The following STK32A variants were observed in gnomAD, a reference collection of about 807,000 sequenced individuals.
STK32A encodes serine/threonine kinase 32A, also known as serine/threonine-protein kinase 32A.
STK32A carries 41 observed loss-of-function variants against 53.2 expected under a neutral mutation model. That is an observed-to-expected ratio of 0.77 (90% CI 0.60 to 1.00). The LOEUF (loss-of-function observed/expected upper bound fraction) is 1.00, where lower values mean the gene tolerates loss of function less well. Ranked by LOEUF, STK32A falls within the 50% of genes least tolerant of loss-of-function variation. The pLI is 0.00. For synonymous variants in STK32A, 166 were observed against 162.8 expected (o/e 1.02, Z -0.15); for missense variants, 458 against 485.8 (o/e 0.94, Z 0.54).
At chr5:147,247,223 G>C (rs912986403) in intron 2 of STK32A, among the ~76,000 whole-genome samples, 1 of 152,168 alleles carries the variant, frequency 6.6e-6, no homozygotes, top group African/African-American at 2.4e-5. Flanking sequence ...ATGTCAACTC[G>C]ATTAGAGTGA....
rs57998296 is a variant in STK32A at position 147,284,706 on chromosome 5, AC to A, written c.260+5309del. Among the ~76,000 whole-genome samples the A allele has an allele frequency of 5.3e-3, 353 of 66,056 alleles. 4 individuals are homozygous for A. Among genetic ancestry groups the A allele is most frequent in the African/African-American group, 0.024 (297 of 12,246 alleles). 43.3% of individuals were successfully genotyped at this position (66,056 alleles called of 152,430 possible). On this transcript the variant is annotated intron_variant, in intron 4 of 12. Transcript: ENST00000397936. ...CAAAACAAGACAAAACAAAAAAACA[AC>A]AAAAAAAAAACAAATACTTAGGAAT...
intron 2 of STK32A, among the ~76,000 whole-genome samples, chr5:147,277,420 A>G (rs944973956): frequency 1.3e-5 from 2 of 152,166 alleles, no homozygotes; most frequent in East Asian, 3.9e-4. Context: ...AGGGACTGAA[A>G]TTTTAAAATT....
At chr5:147,261,164 G>C (rs1754551514) in intron 2 of STK32A, among the ~76,000 whole-genome samples, 1 of 152,196 alleles carries the variant, frequency 6.6e-6, no homozygotes, top group Non-Finnish European at 1.5e-5. Flanking sequence ...ACCACCCCCA[G>C]AGGGGAATGC....
chr5:147,347,025 C>T (rs1337891359), intron 6 of STK32A, among the ~76,000 whole-genome samples: 1 of 152,130 alleles, frequency 6.6e-6, no homozygotes, highest in Non-Finnish European at 1.5e-5. Context: ...AGTAACTTAT[C>T]CCCATTTAAT....
Position 147,317,109 on chromosome 5 carries a change from C to G in STK32A, c.261-6789C>G, listed in dbSNP as rs78223445. On this transcript the variant is annotated intron_variant, in intron 4 of 12. Coordinates refer to ENST00000397936, the MANE Select transcript of STK32A (RefSeq NM_001112724.2). ...ACTTATTAATTGTATAACTCCTGAT[C>G]AAGTGCATACCACTATCTGTGAAAT... is the stretch of plus-strand genomic sequence containing the variant. 5.5e-3 allele frequency among the ~76,000 whole-genome samples: 779 copies of G among 142,240 alleles called. 8 individuals are homozygous for G. Among genetic ancestry groups the G allele is most frequent in the African/African-American group, 0.019 (743 of 38,140 alleles). The allele number at this position is 142,240 out of a possible 152,430, so 93.3% of individuals were successfully genotyped here.
intron 4 of STK32A, among the ~76,000 whole-genome samples, chr5:147,323,598 G>A (rs767389514): frequency 1.3e-5 from 2 of 152,118 alleles, no homozygotes; most frequent in Non-Finnish European, 2.9e-5. Context: ...TTCATTTTCT[G>A]TGTTTTATTG....
chr5:147,369,234 A>G (rs571985533), intron 8 of STK32A, among the ~76,000 whole-genome samples: 1 of 152,228 alleles, frequency 6.6e-6, no homozygotes, highest in African/African-American at 2.4e-5. Context: ...AAAAGCAAAA[A>G]TGTTTGAATT....
chr5:147,353,125 G>A (rs571498842), intron 7 of STK32A, among the ~76,000 whole-genome samples: 2 of 150,524 alleles, frequency 1.3e-5, no homozygotes, highest in South Asian at 2.1e-4. Context: ...CATGTGTGAG[G>A]ACCCCTCTGC....
At chr5:147,273,344 G>A (rs1447524708) in intron 2 of STK32A, among the ~76,000 whole-genome samples, 1 of 152,142 alleles carries the variant, frequency 6.6e-6, no homozygotes, top group African/African-American at 2.4e-5. Flanking sequence ...TCTACCTTTG[G>A]GATGGGTAGG....
chr5:147,323,528 C>T (rs1336416369), intron 4 of STK32A, among the ~76,000 whole-genome samples: 1 of 152,154 alleles, frequency 6.6e-6, no homozygotes, highest in African/African-American at 2.4e-5. Flanking sequence ...ATTTTATGGG[C>T]CTTCTGCAAT....
chr5:147,265,661 G>A (rs35046779), intron 2 of STK32A, among the ~76,000 whole-genome samples: 13,924 of 151,998 alleles, frequency 0.092, 807 homozygotes, highest in Middle Eastern at 0.18. Context: ...AGCTTCTTAT[G>A]TTTTTCCATC....
intron 7 of STK32A, among the ~76,000 whole-genome samples, chr5:147,360,239 C>G (rs1273777978): frequency 6.6e-6 from 1 of 151,746 alleles, no homozygotes; most frequent in African/African-American, 2.4e-5. Context: ...CACCTAAGCC[C>G]AGGAGTTCAA....
At chr5:147,317,231 T>C (rs188283096) in intron 4 of STK32A, among the ~76,000 whole-genome samples, 1 of 151,288 alleles carries the variant, frequency 6.6e-6, no homozygotes, top group East Asian at 1.9e-4. Flanking sequence ...AATTGTGGAA[T>C]GTATAGATTG....
At chr5:147,369,442 G>T (rs1199315356) in intron 8 of STK32A, among the ~76,000 whole-genome samples, 1 of 151,762 alleles carries the variant, frequency 6.6e-6, no homozygotes, top group Non-Finnish European at 1.5e-5. Flanking sequence ...CTCTTATATT[G>T]TGTCTAATAC....
At chr5:147,318,775 CAAA>C (rs5872017) in intron 4 of STK32A, among the ~76,000 whole-genome samples, 54 of 135,454 alleles carry the variant, frequency 4.0e-4, no homozygotes, top group South Asian at 9.6e-4. Context: ...GACCCTGTCT[CAAA>C]AAAAAAAAAA....
intron 5 of STK32A, among the ~76,000 whole-genome samples, chr5:147,324,689 T>C (rs943850473): frequency 6.6e-6 from 1 of 152,232 alleles, no homozygotes; most frequent in African/African-American, 2.4e-5. Context: ...ATATATAGTA[T>C]CTCATTTGAT....
rs1448906129 is a variant in STK32A, at chr5:147,385,193, T to A, written c.*1210T>A. On this transcript the variant is annotated 3_prime_UTR_variant, in exon 13 of 13. Coordinates refer to ENST00000397936, the MANE Select transcript of STK32A (RefSeq NM_001112724.2). ...TCTCACTCTGTCACCCAGGCTGGAG[T>A]GCAGTGGCATGATCTCTGCTCACTA... 1 of 152,186 alleles carries A rather than the reference T, an allele frequency of 6.6e-6. No individual in the cohort carries two copies. The highest frequency in any genetic ancestry group is 2.4e-5 in the African/African-American group (1 of 41,416). The allele number at this position is 152,186 out of a possible 1,614,324, so 9.4% of individuals were successfully genotyped here. A position where few individuals can be genotyped will look rare whatever the true frequency, so the allele number is the denominator to read the frequency against.
intron 4 of STK32A, among the ~76,000 whole-genome samples, chr5:147,290,623 G>T (rs1752556329): frequency 6.6e-6 from 1 of 152,174 alleles, no homozygotes; most frequent in Non-Finnish European, 1.5e-5. Context: ...CTTTGTCCCT[G>T]TGGATAGAAG....
chr5:147,311,502 G>T (rs1343129050), intron 4 of STK32A, among the ~76,000 whole-genome samples: 1 of 152,146 alleles, frequency 6.6e-6, no homozygotes, highest in Non-Finnish European at 1.5e-5. Context: ...CAGGCAAAAA[G>T]AAAATATTAA....
Sources: gnomAD v4.1 joint callset for allele counts (sites outside exome capture counted in the v4.1 genomes callset) on GRCh38, gnomAD v4.1.1 for gene constraint, MANE v1.5 for transcripts, NCBI Gene and HGNC (gene_info 2026-07-23, HGNC 2026-07-21) for gene names.